The following SPG11 variants were observed in gnomAD, a reference collection of about 807,000 sequenced individuals.
SPG11 encodes spatacsin.
A neutral mutation model predicts 274.0 loss-of-function variants in SPG11; 222 were observed. The observed-to-expected ratio is 0.81, with a 90% confidence interval of 0.73 to 0.91. The LOEUF is 0.91. Among genes scored for constraint, SPG11 ranks in the 40% least tolerant of loss-of-function variants. The pLI is 0.00. For synonymous variants in SPG11, 1,144 were observed against 1,039.7 expected, an observed-to-expected ratio of 1.10 and a Z score of -1.93; for missense variants, 3,114 against 2,872.7, an observed-to-expected ratio of 1.08 and a Z score of -1.92.
intron 17 of SPG11, among the ~76,000 whole-genome samples, chr15:44,612,610 T>C (rs2083490070): frequency 6.6e-6 from 1 of 152,090 alleles, no homozygotes; most frequent in Admixed American, 6.5e-5. Context: ...TTGCCCAGGC[T>C]GGTCTTGAAC....
rs1042076487 is a variant in SPG11 at position 44,584,493 on chromosome 15, G to A, written c.5187C>T (p.Asp1729=). The change falls in exon 30 of 40, where the codon GAC becomes GAT. Residue 1729 remains aspartate (D), a synonymous_variant. Transcript: ENST00000261866. ...EQWSLKQARI[D]FWKKCHENFK... is the part of the protein sequence containing the mutation. ...AATTCTCATGGCATTTTTTCCAGAA[G>A]TCAATTCTTGCTTGTTTTAGTGACC... is the stretch of plus-strand genomic sequence containing the variant. The A allele has an allele frequency of 3.7e-6, 6 of 1,613,904 alleles. No homozygotes were observed. In the African/African-American group the frequency reaches 8.0e-5, roughly 22 times the overall value.
intron 36 of SPG11, among the ~76,000 whole-genome samples, chr15:44,566,793 G>A (rs576352822): frequency 9.2e-5 from 14 of 152,154 alleles, no homozygotes; most frequent in East Asian, 5.8e-4. Context: ...TCCGCCTCCC[G>A]GGTTCAAGTG....
In SPG11 at chr15:44,615,560, C is replaced by T; in HGVS notation, c.2841G>A (p.Gly947=). 1 of 1,613,892 alleles carries T rather than the reference C, an allele frequency of 6.2e-7. No homozygotes were observed. The highest frequency in any genetic ancestry group is 8.5e-7 in the Non-Finnish European group (1 of 1,179,970). The change falls in exon 16 of 40, where the codon GGG becomes GGA. Residue 947 remains glycine (G), a synonymous_variant. Coordinates refer to ENST00000261866, the MANE Select transcript of SPG11 (RefSeq NM_025137.4). Reference sequence around the variant, plus strand: ...CTTCCAGTTCAGATGCCAAAAAAACCCCATTCCTATGGACAGATTTATAGG... The same window carrying T: ...CTTCCAGTTCAGATGCCAAAAAAACTCCATTCCTATGGACAGATTTATAGG... ...NEILDKLARN[G]VFLASELEDF...
intron 35 of SPG11, among the ~76,000 whole-genome samples, chr15:44,568,684 A>G (rs370405430): frequency 3.3e-5 from 5 of 152,210 alleles, no homozygotes; most frequent in African/African-American, 1.2e-4. Context: ...TTGATTCCCA[A>G]CCTGGCTCTT....
intron 11 of SPG11, 144 bp downstream of exon 11, chr15:44,626,187 G>A (rs2083893196): frequency 1.4e-6 from 1 of 706,514 alleles, no homozygotes; most frequent in South Asian, 2.2e-5. Context: ...CATTCTCAGT[G>A]TTATTAATGT....
In SPG11 at chr15:44,624,266, T is replaced by C. The variant is rs183391875; in HGVS notation, c.2245-1467A>G. ...ACTTTGGGAGACCAAGGCAGGAGGA[T>C]TGCTTGAGCCCAAGAGTTCGAGACC... is the stretch of plus-strand genomic sequence containing the variant. On this transcript the variant is annotated intron_variant, in intron 11 of 39. Transcript: ENST00000261866. Among the ~76,000 whole-genome samples, 827 of 151,094 alleles carry C rather than the reference T, an allele frequency of 5.5e-3. 9 individuals are homozygous for C. Among genetic ancestry groups the C allele is most frequent in the African/African-American group, 0.019 (799 of 41,116 alleles).
intron 7 of SPG11, among the ~76,000 whole-genome samples, chr15:44,639,387 G>C (rs931759851): frequency 2.0e-5 from 3 of 151,960 alleles, no homozygotes; most frequent in African/African-American, 7.3e-5. Flanking sequence ...TGTTATACTA[G>C]AGACCCTAGT....
At chr15:44,642,530 T>C (rs1397216527) in intron 7 of SPG11, among the ~76,000 whole-genome samples, 1 of 151,696 alleles carries the variant, frequency 6.6e-6, no homozygotes, top group Non-Finnish European at 1.5e-5. Context: ...GATACATTTA[T>C]ATGCAGAAAA....
In SPG11 at chr15:44,629,383, C is replaced by T. The variant is rs752536554; in HGVS notation, c.1741G>A (p.Glu581Lys). 6 of 1,613,770 alleles carry T rather than the reference C, an allele frequency of 3.7e-6. No individual in the cohort carries two copies. The highest frequency in any genetic ancestry group is 1.3e-5 in the African/African-American group (1 of 74,920). ...LSSHLYLRNV[E>K]ELIPALDLLC... ...AAATCCAATGCTGGTATCAGCTCTT[C>T]CACATCTGAGAAAGAACCAAAGAAA... is the stretch of plus-strand genomic sequence containing the variant. The change falls in exon 9 of 40, where the codon GAA (glutamate) becomes AAA (lysine). Residue 581 changes from glutamate (E) to lysine (K), a missense_variant. Coordinates refer to ENST00000261866, the MANE Select transcript of SPG11 (RefSeq NM_025137.4).
rs2082711736 is a variant in SPG11, at chr15:44,584,247, A to G, written c.5433T>C (p.Leu1811=). 1 of 1,614,214 alleles carries G rather than the reference A, an allele frequency of 6.2e-7. No homozygotes were observed. Among genetic ancestry groups the G allele is most frequent in the East Asian group, 2.2e-5 (1 of 44,884 alleles). Residue 1811 remains leucine (L), a synonymous_variant, in exon 30 of 40, where the codon CTT becomes CTC. Coordinates refer to ENST00000261866, the MANE Select transcript of SPG11 (RefSeq NM_025137.4). ...IWLCRITQHT[L]GRNQEETEPR... is the part of the protein sequence containing the mutation. The stretch of plus-strand genomic sequence containing the variant: ...GCTCTGTTTCCTCCTGATTTCTTCC[A>G]AGAGTGTGCTGGGTGATGCGGCACA...
chr15:44,660,682 G>A, intron 1 of SPG11, 66 bp from the exon 2 acceptor site: 1 of 1,460,976 alleles, frequency 6.8e-7, no homozygotes, highest in Non-Finnish European at 9.6e-7. Context: ...CAATGGTGGG[G>A]GTAGAAGGGT....
Position 44,600,515 on chromosome 15 carries a change from C to A in SPG11, c.3638G>T (p.Gly1213Val). 6.2e-7 allele frequency: 1 copy of A among 1,614,056 alleles called. No individual in the cohort carries two copies. ...GATTAATTCCTGGACCAGAAAAGTACCAAATGCAAATGATGGCCGCCCATT... is the reference window on the plus strand; with the variant it reads ...GATTAATTCCTGGACCAGAAAAGTAACAAATGCAAATGATGGCCGCCCATT... ...LHNGRPSFAF[G>V]TFLVQELIKS... Residue 1213 changes from glycine (G) to valine (V), a missense_variant, in exon 21 of 40, where the codon GGT (glycine) becomes GTT (valine). By Grantham distance (109) the Gly-to-Val change is moderately radical (BLOSUM62 -3). Transcript: ENST00000261866.
chr15:44,610,323 G>T (rs190472094), intron 18 of SPG11, among the ~76,000 whole-genome samples: 1 of 152,124 alleles, frequency 6.6e-6, no homozygotes, highest in East Asian at 1.9e-4. Flanking sequence ...AAAAGGGCTG[G>T]AATTACAAAT....
At position 44,617,097 on chromosome 15, in the gene SPG11, A is replaced by T. The variant is rs147856833; in HGVS notation, c.2835-1531T>A. Among the ~76,000 whole-genome samples, 528 of 152,186 alleles carry T rather than the reference A, an allele frequency of 3.5e-3. 2 individuals are homozygous for T. The highest frequency in any genetic ancestry group is 6.6e-3 in the South Asian group (32 of 4,822). On this transcript the variant is annotated intron_variant, in intron 15 of 39. Coordinates refer to ENST00000261866, the MANE Select transcript of SPG11 (RefSeq NM_025137.4). ...TACTACGAGACCCCAGTGTCCTCAG[A>T]CTTCTGTTTTAGTTCACTCAATGGG... is the stretch of plus-strand genomic sequence containing the variant.
In SPG11 at chr15:44,573,641, G is replaced by C. The variant is rs2082472828; in HGVS notation, c.6111C>G (p.Ala2037=). 6.2e-7 allele frequency: 1 copy of C among 1,614,190 alleles called. No homozygotes were observed. Among genetic ancestry groups the C allele is most frequent in the African/African-American group, 1.3e-5 (1 of 75,044 alleles). The change falls in exon 32 of 40, where the codon GCC becomes GCG. Residue 2037 remains alanine (A), a synonymous_variant. Transcript: ENST00000261866. ...QQPDRCKRAQ[A]FISTQGLKPD... ...GCTTAAGGCCCTGTGTGCTGATGAAGGCCTGGGCTCGTTTGCATCGGTCAG... is the reference window on the plus strand; with the variant it reads ...GCTTAAGGCCCTGTGTGCTGATGAACGCCTGGGCTCGTTTGCATCGGTCAG...
intron 11 of SPG11, among the ~76,000 whole-genome samples, chr15:44,624,370 T>G (rs1007541908): frequency 3.0e-4 from 46 of 151,816 alleles, no homozygotes; most frequent in African/African-American, 1.1e-3. Context: ...ACCTGCAATT[T>G]TAAACAACAT....
chr15:44,566,014 G>C lies in SPG11; in HGVS notation c.6844-5C>G. 1 of 1,613,522 alleles carries C rather than the reference G, an allele frequency of 6.2e-7. No individual in the cohort carries two copies. The highest frequency in any genetic ancestry group is 1.1e-5 in the South Asian group (1 of 91,030). On this transcript the variant is annotated splice_polypyrimidine_tract_variant and splice_region_variant and intron_variant, in intron 37 of 39. Transcript: ENST00000261866. Reference sequence around the variant, plus strand: ...GGCCTGTCGCACACAGGAGTCCTGAGGAACAAGGGTGGAGAGGCACAGTAG... The same window carrying C: ...GGCCTGTCGCACACAGGAGTCCTGACGAACAAGGGTGGAGAGGCACAGTAG...
intron 30 of SPG11, among the ~76,000 whole-genome samples, chr15:44,580,913 T>C (rs1283710284): frequency 1.3e-5 from 2 of 152,168 alleles, no homozygotes; most frequent in African/African-American, 4.8e-5. Context: ...GAGAAAATAT[T>C]TGACAAAATT....
chr15:44,654,892 A>G (rs1315035785), intron 4 of SPG11, among the ~76,000 whole-genome samples: 1 of 152,258 alleles, frequency 6.6e-6, no homozygotes, highest in African/African-American at 2.4e-5. Flanking sequence ...GTACACACTT[A>G]CGGACTGTAC....
Sources: gnomAD v4.1 joint callset for allele counts (sites outside exome capture counted in the v4.1 genomes callset) on GRCh38, gnomAD v4.1.1 for gene constraint, MANE v1.5 for transcripts, NCBI Gene and HGNC (gene_info 2026-07-23, HGNC 2026-07-21) for gene names.